The following ANLN variants were observed in gnomAD, a reference collection of about 807,000 sequenced individuals.
ANLN encodes the protein anillin.
A neutral mutation model predicts 135.1 loss-of-function variants in ANLN; 59 were observed. The ratio of observed to expected loss-of-function variants is 0.44; its 90% confidence interval spans 0.35 to 0.54. The LOEUF (loss-of-function observed/expected upper bound fraction) is 0.54. Ranked by LOEUF, ANLN falls within the 20% of genes least tolerant of loss-of-function variation. The pLI is 0.00. For synonymous variants in ANLN, 406 were observed against 456.4 expected, an observed-to-expected ratio of 0.89 and a Z score of 1.41; for missense variants, 1,182 against 1,340.0, an observed-to-expected ratio of 0.88 and a Z score of 1.84.
At chr7:36,417,470 T>A (rs1340178548) in intron 9 of ANLN, among the ~76,000 whole-genome samples, 2 of 152,094 alleles carry the variant, frequency 1.3e-5, no homozygotes, top group Non-Finnish European at 2.9e-5. Context: ...AAAAACTCTC[T>A]GGGATTATGT....
At chr7:36,444,406 A>G (rs1448136033) in intron 22 of ANLN, among the ~76,000 whole-genome samples, 1 of 152,046 alleles carries the variant, frequency 6.6e-6, no homozygotes, top group Non-Finnish European at 1.5e-5. Flanking sequence ...ATACCTTAAC[A>G]TGTATATTTT....
intron 7 of ANLN, among the ~76,000 whole-genome samples, chr7:36,411,709 T>G (rs1202717054): frequency 6.6e-6 from 1 of 152,256 alleles, no homozygotes; most frequent in Non-Finnish European, 1.5e-5. Context: ...GAATTATATT[T>G]ACAGTGGGGA....
chr7:36,405,986 C>T (rs1260034746), intron 3 of ANLN, among the ~76,000 whole-genome samples, 195 bp from the exon 4 acceptor site: 7 of 151,354 alleles, frequency 4.6e-5, no homozygotes, highest in Admixed American at 2.0e-4. Context: ...TTTTTAATTT[C>T]GGATTTAATA....
chr7:36,418,761 T>C (rs1166970364), intron 9 of ANLN, among the ~76,000 whole-genome samples: 3 of 151,740 alleles, frequency 2.0e-5, no homozygotes, highest in Non-Finnish European at 2.9e-5. Context: ...TTTCTTTTTT[T>C]TTTTTGTCTC....
At chr7:36,422,482 C>T (rs746803143) in intron 13 of ANLN, 151 bp from the exon 14 acceptor site, 23 of 683,522 alleles carry the variant, frequency 3.4e-5, no homozygotes, top group Admixed American at 7.3e-5. Flanking sequence ...CAAGGTTTTC[C>T]CCAACCACCT....
chr7:36,390,343 T>A, intron 1 of ANLN: 1 of 451,920 alleles, frequency 2.2e-6, no homozygotes, highest in Non-Finnish European at 4.0e-6. Flanking sequence ...TCTGCAGTCC[T>A]GGCGCAGCAA....
At chr7:36,437,458 A>G (rs1788590687) in intron 20 of ANLN, among the ~76,000 whole-genome samples, 1 of 152,082 alleles carries the variant, frequency 6.6e-6, no homozygotes, top group Non-Finnish European at 1.5e-5. Context: ...GATTATTTCC[A>G]TCTCTTAGCT....
chr7:36,429,694 G>GTATT (rs1315213957), intron 20 of ANLN, among the ~76,000 whole-genome samples: 5 of 152,034 alleles, frequency 3.3e-5, no homozygotes, highest in Non-Finnish European at 5.9e-5. Context: ...TTTTTACTCA[G>GTATT]TATTGTCACA....
chr7:36,443,787 C>T lies in ANLN; in HGVS notation c.3003C>T (p.Ala1001=), dbSNP rs924849979. ...TTGAAGATGTTAGTGGTTTTGGTGC[C>T]TGGCATCGAAGATGGTGTGTTCTTT... ...TIFEDVSGFG[A]WHRRWCVLSG... Residue 1001 remains alanine, a synonymous_variant, in exon 22 of 24, where the codon GCC becomes GCT. Transcript: ENST00000265748. The T allele has an allele frequency of 5.6e-6, 9 of 1,612,732 alleles. No individual in the cohort carries two copies. In the Middle Eastern group the frequency reaches 4.9e-4, roughly 88 times the overall value.
chr7:36,433,554 A>G (rs1411315810), intron 20 of ANLN, among the ~76,000 whole-genome samples: 1 of 152,038 alleles, frequency 6.6e-6, no homozygotes, highest in Non-Finnish European at 1.5e-5. Context: ...ACTGAGCTTT[A>G]TGATCTGTAA....
At chr7:36,415,171 A>G (rs1787588687) in intron 7 of ANLN, among the ~76,000 whole-genome samples, 2 of 152,354 alleles carry the variant, frequency 1.3e-5, no homozygotes, top group South Asian at 4.1e-4. Context: ...TAACCTTGCT[A>G]ATGAATAAAA....
intron 22 of ANLN, 47 bp from the exon 23 acceptor site, chr7:36,449,618 T>A: frequency 6.8e-7 from 1 of 1,472,436 alleles, no homozygotes. Context: ...GCTTACTGAC[T>A]TAAATAGTCT....
At chr7:36,409,030 T>C (rs1787302810) in intron 5 of ANLN, among the ~76,000 whole-genome samples, 1 of 151,900 alleles carries the variant, frequency 6.6e-6, no homozygotes, top group Admixed American at 6.6e-5. Context: ...GAAATGAGAG[T>C]GGGGAAGCGG....
At position 36,420,694 on chromosome 7, in the gene ANLN, G is replaced by GA; in HGVS notation, c.2120dup (p.Asn707LysfsTer2). 2 of 1,613,794 alleles carry GA rather than the reference G, an allele frequency of 1.2e-6. No individual in the cohort carries two copies. Among genetic ancestry groups the GA allele is most frequent in the Non-Finnish European group, 1.7e-6 (2 of 1,179,854 alleles). On this transcript the variant is annotated frameshift_variant, in exon 12 of 24. Transcript: ENST00000265748. LOFTEE classifies it high-confidence loss of function. Reference sequence around the variant, plus strand: ...GGAAGATGTTACTTCAAAACTGGATGAAAAAAATAATGCCTTTCCTTGTCA... The same window carrying GA: ...GGAAGATGTTACTTCAAAACTGGATGAAAAAAAATAATGCCTTTCCTTGTCA...
chr7:36,443,812 T>A lies in ANLN; in HGVS notation c.3028T>A (p.Ser1010Thr). ...CTGGCATCGAAGATGGTGTGTTCTT[T>A]CTGGAAACTGTATATCTTATTGGAC... ...GAWHRRWCVLSGNCISYWTYP... is the reference protein window; with the variant it reads ...GAWHRRWCVLTGNCISYWTYP... Residue 1010 changes from serine (S) to threonine (T), a missense_variant, in exon 22 of 24, where the codon TCT (serine) becomes ACT (threonine). By Grantham distance (58) the Ser-to-Thr change is moderately conservative. Coordinates refer to ENST00000265748, the MANE Select transcript of ANLN (RefSeq NM_018685.5). 6.2e-7 allele frequency: 1 copy of A among 1,612,872 alleles called. No individual in the cohort carries two copies. Among genetic ancestry groups the A allele is most frequent in the Non-Finnish European group, 8.5e-7 (1 of 1,179,328 alleles).
chr7:36,405,133 T>C (rs142129847), intron 3 of ANLN, among the ~76,000 whole-genome samples: 161 of 152,360 alleles, frequency 1.1e-3, no homozygotes, highest in African/African-American at 3.5e-3. Flanking sequence ...TTTAGATGTT[T>C]GCTTACCATT....
chr7:36,449,935 G>A lies in ANLN; in HGVS notation c.3251+98G>A, dbSNP rs566040897. 1.2e-4 allele frequency: 149 copies of A among 1,206,418 alleles called. 2 individuals are homozygous for A. In the South Asian group the frequency reaches 2.2e-3, roughly 18 times the overall value. The allele number at this position is 1,206,418 out of a possible 1,614,324, so 74.7% of individuals were successfully genotyped here. A position where few individuals can be genotyped will look rare whatever the true frequency, so the allele number is the denominator to read the frequency against. On this transcript the variant is annotated intron_variant, in intron 23 of 23. Transcript: ENST00000265748. Reference sequence around the variant, plus strand: ...AATATCACAGATGGTCCTTGACGTTGAAAAGGGCACAGCCTTAGTGAGAAA... The same window carrying A: ...AATATCACAGATGGTCCTTGACGTTAAAAAGGGCACAGCCTTAGTGAGAAA...
chr7:36,391,971 C>T (rs1786491412), intron 1 of ANLN, among the ~76,000 whole-genome samples: 3 of 151,494 alleles, frequency 2.0e-5, no homozygotes, highest in Non-Finnish European at 4.4e-5. Flanking sequence ...CGGAGTCTCG[C>T]AGTGTCGCCC....
intron 1 of ANLN, among the ~76,000 whole-genome samples, chr7:36,391,712 A>G (rs1171322927): frequency 6.6e-6 from 1 of 152,228 alleles, no homozygotes; most frequent in Admixed American, 6.5e-5. Context: ...TCTCAGAACC[A>G]TGGTACACAG....
Sources: gnomAD v4.1 joint callset for allele counts (sites outside exome capture counted in the v4.1 genomes callset) on GRCh38, gnomAD v4.1.1 for gene constraint, MANE v1.5 for transcripts, NCBI Gene and HGNC (gene_info 2026-07-23, HGNC 2026-07-21) for gene names.